The following SDK1 variants were observed in gnomAD, a reference collection of about 807,000 sequenced individuals.
The protein encoded by SDK1 is sidekick cell adhesion molecule 1.
In SDK1, 157 loss-of-function variants were observed where a neutral mutation model predicts 245.5. The observed-to-expected ratio is 0.64, with a 90% CI of 0.56 to 0.73. SDK1 has a LOEUF of 0.73. Ranked by LOEUF, SDK1 falls within the 30% of genes least tolerant of loss-of-function variation. SDK1 has a pLI of 0.00. For synonymous variants in SDK1, 1,647 were observed against 1,278.5 expected (o/e 1.29, Z -6.15); for missense variants, 3,583 against 3,002.3 (o/e 1.19, Z -4.52).
intron 4 of SDK1, among the ~76,000 whole-genome samples, chr7:3,706,638 G>A (rs1409670402): frequency 2.6e-5 from 4 of 152,098 alleles, no homozygotes; most frequent in East Asian, 1.9e-4. Context: ...TCCTGACCTC[G>A]TGATCCACCC....
At chr7:4,147,301 C>A (rs1028689914) in intron 29 of SDK1, among the ~76,000 whole-genome samples, 1 of 152,204 alleles carries the variant, frequency 6.6e-6, no homozygotes, top group South Asian at 2.1e-4. Context: ...CCACCTCAGC[C>A]TCCCCAGTAG....
intron 32 of SDK1, among the ~76,000 whole-genome samples, chr7:4,170,803 G>A (rs1166508332): frequency 6.6e-6 from 1 of 152,166 alleles, no homozygotes; most frequent in African/African-American, 2.4e-5. Flanking sequence ...GGGATGGGGT[G>A]CAGAGCAGGA....
intron 1 of SDK1, among the ~76,000 whole-genome samples, chr7:3,473,363 CAAT>C (rs1781243925): frequency 1.3e-5 from 2 of 152,230 alleles, no homozygotes; most frequent in Admixed American, 6.5e-5. Flanking sequence ...CAAATGCTTA[CAAT>C]AATTACTTGG....
At chr7:3,671,242 CTG>C (rs1339063828) in intron 4 of SDK1, among the ~76,000 whole-genome samples, 1 of 152,222 alleles carries the variant, frequency 6.6e-6, no homozygotes, top group African/African-American at 2.4e-5. Context: ...CTTCCTCTCA[CTG>C]TCTCTTCATT....
chr7:3,307,144 G>T (rs962063470), intron 1 of SDK1, among the ~76,000 whole-genome samples: 6 of 152,106 alleles, frequency 3.9e-5, no homozygotes, highest in African/African-American at 1.4e-4. Context: ...CAAAGTAACC[G>T]AGCATTTTAA....
chr7:3,579,845 T>TA lies in SDK1; in HGVS notation c.299-39228dup, dbSNP rs903437743. ...TGTTTGCAGGTGACATGATTCTACATAAAAAAACTGGGTAAAGTCTGCCAC... is the reference window on the plus strand; with the variant it reads ...TGTTTGCAGGTGACATGATTCTACATAAAAAAAACTGGGTAAAGTCTGCCAC... On this transcript the variant is annotated intron_variant, in intron 1 of 44. Transcript: ENST00000404826. Among the ~76,000 whole-genome samples the TA allele has an allele frequency of 7.9e-5, 12 of 152,256 alleles. No individual in the cohort carries two copies. The East Asian group carries it at 1.5e-3, about 20-fold the overall frequency.
At chr7:3,327,098 G>A (rs1164441678) in intron 1 of SDK1, among the ~76,000 whole-genome samples, 1 of 152,140 alleles carries the variant, frequency 6.6e-6, no homozygotes, top group Non-Finnish European at 1.5e-5. Flanking sequence ...GAGCTGGTTA[G>A]GTAGCAGCTG....
intron 4 of SDK1, among the ~76,000 whole-genome samples, chr7:3,760,895 G>A (rs1250518345): frequency 6.6e-6 from 1 of 152,208 alleles, no homozygotes; most frequent in Non-Finnish European, 1.5e-5. Context: ...TTAACGCTGA[G>A]TAGTGAAGTA....
At chr7:4,048,377 A>T (rs974731438) in intron 17 of SDK1, among the ~76,000 whole-genome samples, 2 of 151,944 alleles carry the variant, frequency 1.3e-5, no homozygotes. Flanking sequence ...CCCTTTCCGG[A>T]AGGCCTTCAG....
chr7:3,819,086 T>G lies in SDK1; in HGVS notation c.714-2364T>G, dbSNP rs188825825. Among the ~76,000 whole-genome samples, 1,116 of 152,354 alleles carry G rather than the reference T, an allele frequency of 7.3e-3. 5 individuals carry two copies. Among genetic ancestry groups the G allele is most frequent in the Non-Finnish European group, 0.011 (761 of 68,036 alleles). On this transcript the variant is annotated intron_variant, in intron 4 of 44. Transcript: ENST00000404826. ...ATTAAGATGAATGGTTTTGGATGTTTTATTTTCATTTAAAAAGTCAGTCTC... is the reference window on the plus strand; with the variant it reads ...ATTAAGATGAATGGTTTTGGATGTTGTATTTTCATTTAAAAAGTCAGTCTC...
intron 4 of SDK1, among the ~76,000 whole-genome samples, chr7:3,683,534 G>A (rs1253356987): frequency 6.6e-6 from 1 of 152,194 alleles, no homozygotes; most frequent in African/African-American, 2.4e-5. Flanking sequence ...TATACCTGGT[G>A]CATAGTAGGT....
At chr7:3,390,809 C>G (rs1781731329) in intron 1 of SDK1, among the ~76,000 whole-genome samples, 1 of 152,214 alleles carries the variant, frequency 6.6e-6, no homozygotes, top group Non-Finnish European at 1.5e-5. Context: ...TCTTGGACTT[C>G]TGGCCTCCAG....
intron 14 of SDK1, among the ~76,000 whole-genome samples, chr7:3,997,553 G>T (rs974021363): frequency 3.7e-4 from 57 of 152,158 alleles, no homozygotes; most frequent in African/African-American, 1.4e-3. Flanking sequence ...GAAGGCCTTG[G>T]AGAGGTTGTT....
At chr7:3,375,324 A>C (rs939349386) in intron 1 of SDK1, among the ~76,000 whole-genome samples, 14 of 152,214 alleles carry the variant, frequency 9.2e-5, no homozygotes, top group Non-Finnish European at 1.8e-4. Flanking sequence ...CAGAAAATGA[A>C]ATAAAGTCTA....
intron 1 of SDK1, among the ~76,000 whole-genome samples, chr7:3,493,098 C>T (rs947034679): frequency 6.6e-5 from 10 of 152,054 alleles, no homozygotes; most frequent in South Asian, 4.1e-4. Context: ...CTACAGGTGC[C>T]CGCCACCAAG....
At chr7:4,233,501 C>A in intron 41 of SDK1, 82 bp downstream of exon 41, 11 of 1,383,566 alleles carry the variant, frequency 8.0e-6, no homozygotes, top group Non-Finnish European at 1.1e-5. Context: ...GGAGGTCTGT[C>A]TTCTCCTGAA....
At chr7:3,302,761 C>T (rs982990491) in intron 1 of SDK1, among the ~76,000 whole-genome samples, 4 of 152,144 alleles carry the variant, frequency 2.6e-5, no homozygotes, top group African/African-American at 4.8e-5. Context: ...CTTTAAAACA[C>T]ATTAGTGAAC....
chr7:3,872,355 C>T (rs6968444), intron 5 of SDK1, among the ~76,000 whole-genome samples: 33,758 of 151,912 alleles, frequency 0.22, 3,968 homozygotes, highest in Middle Eastern at 0.32. Context: ...TGTAAGATAT[C>T]GTATAGAGTT....
At position 4,107,018 on chromosome 7, in the gene SDK1, G is replaced by C. The variant is rs1782968398; in HGVS notation, c.3325-3645G>C. On this transcript the variant is annotated intron_variant, in intron 22 of 44. Coordinates refer to ENST00000404826, the MANE Select transcript of SDK1 (RefSeq NM_152744.4). ...TACATGCCGAGCATCCAGGCCAGAG[G>C]AGGGCAGGGAGCTCTAGGCAGAGCC... Among the ~76,000 whole-genome samples, 3 of 151,710 alleles carry C rather than the reference G, an allele frequency of 2.0e-5. No individual in the cohort carries two copies. The South Asian group carries it at 6.3e-4, about 32-fold the overall frequency.
Sources: gnomAD v4.1 joint callset for allele counts (sites outside exome capture counted in the v4.1 genomes callset) on GRCh38, gnomAD v4.1.1 for gene constraint, MANE v1.5 for transcripts, NCBI Gene and HGNC (gene_info 2026-07-23, HGNC 2026-07-21) for gene names.